LRRC45: variants seen among roughly 807,000 people sequenced by gnomAD.
LRRC45 encodes the protein leucine-rich repeat-containing protein 45.
In LRRC45, 73 loss-of-function variants were observed where a neutral mutation model predicts 85.4. That is an observed-to-expected ratio of 0.85 (90% CI 0.71 to 1.04). The LOEUF is 1.04. Among genes scored for constraint, LRRC45 ranks in the 50% least tolerant of loss-of-function variants. LRRC45 has a pLI of 0.00. For missense variants in LRRC45, 937 were observed against 883.3 expected (o/e 1.06, Z -0.77); for synonymous variants, 429 against 386.0 (o/e 1.11, Z -1.31).
Position 82,030,835 on chromosome 17 carries a change from G to A in LRRC45, c.*30G>A, listed in dbSNP as rs1164733948. ...GGCCGGGAGGACCCGGGCGCAGTAG[G>A]AGTGCATCAGGCGGCGCCCGAGATG... On this transcript the variant is annotated 3_prime_UTR_variant, in exon 17 of 17. Coordinates refer to ENST00000306688, the MANE Select transcript of LRRC45 (RefSeq NM_144999.4). 13 of 1,312,924 alleles carry A rather than the reference G, an allele frequency of 9.9e-6. No individual in the cohort carries two copies. The highest frequency in any genetic ancestry group is 2.8e-5 in the South Asian group (1 of 35,740). The allele number at this position is 1,312,924 out of a possible 1,614,324, so 81.3% of individuals were successfully genotyped here.
chr17:82,030,189 T>G lies in LRRC45; in HGVS notation c.1619T>G (p.Leu540Arg), dbSNP rs2043405428. ...VAEAQTRVSQ[L>R]GLQVEGLRRR... ...GAGGCCCAGACCCGGGTCAGCCAGCTGGGCCTGCAAGTTGAGGGCCTGCGG... is the reference window on the plus strand; with the variant it reads ...GAGGCCCAGACCCGGGTCAGCCAGCGGGGCCTGCAAGTTGAGGGCCTGCGG... Residue 540 changes from leucine to arginine, a missense_variant, in exon 15 of 17, where the codon CTG becomes CGG. Leu to Arg is a moderately radical substitution (Grantham distance 102). Transcript: ENST00000306688. The G allele has an allele frequency of 6.5e-7, 1 of 1,542,518 alleles. No individual in the cohort carries two copies. The highest frequency in any genetic ancestry group is 1.4e-5 in the African/African-American group (1 of 72,824).
intron 13 of LRRC45, 149 bp from the exon 14 acceptor site, chr17:82,029,394 C>T: frequency 1.0e-6 from 1 of 985,772 alleles, no homozygotes; most frequent in South Asian, 1.5e-5. Context: ...GGAACCTTGC[C>T]CAGCGAGCTA....
At chr17:82,028,861 G>T in intron 12 of LRRC45, 178 bp downstream of exon 12, 2 of 799,202 alleles carry the variant, frequency 2.5e-6, no homozygotes, top group Non-Finnish European at 3.9e-6. Context: ...GCGGCGGGGG[G>T]ACCCCGGCAA....
At chr17:82,030,582 C>T (rs1282739572) in intron 16 of LRRC45, 27 bp from the exon 17 acceptor site, 3 of 1,461,718 alleles carry the variant, frequency 2.1e-6, no homozygotes, top group Non-Finnish European at 2.7e-6. Flanking sequence ...GGGGCTGCGT[C>T]CGCTCACTGC....
rs1311729549 is a variant in LRRC45 at position 82,023,908 on chromosome 17, C to T, written c.220+45C>T. ...TGGATCCCTCTGCTCCTTAGCTGCC[C>T]ACACCATTGCCTCGGCAGCCCGAGG... On this transcript the variant is annotated intron_variant, in intron 1 of 16. Transcript: ENST00000306688. 2.0e-6 allele frequency: 3 copies of T among 1,499,858 alleles called. No individual in the cohort carries two copies. In the East Asian group the frequency reaches 7.4e-5, roughly 37 times the overall value. The allele number at this position is 1,499,858 out of a possible 1,614,324, so 92.9% of individuals were successfully genotyped here. A position where few individuals can be genotyped will look rare whatever the true frequency, so the allele number is the denominator to read the frequency against.
Position 82,028,261 on chromosome 17 carries a change from C to T in LRRC45, c.1075C>T (p.Leu359Phe). ...QEAAERESKL[L>F]RDLSAANEKN... ...AGCTGCAGAGCGGGAGTCTAAACTC[C>T]TCAGAGACTTGTCTGCTGCCAATGA... The change falls in exon 10 of 17, where the codon CTC becomes TTC. Residue 359 changes from leucine (L) to phenylalanine (F), a missense_variant. Leu to Phe is a conservative substitution (Grantham distance 22). Transcript: ENST00000306688. 1 of 1,580,018 alleles carries T rather than the reference C, an allele frequency of 6.3e-7. No individual in the cohort carries two copies. The highest frequency in any genetic ancestry group is 2.3e-5 in the East Asian group (1 of 43,554).
intron 5 of LRRC45, 64 bp from the exon 6 acceptor site, chr17:82,026,835 C>G (rs1421086962): frequency 1.7e-5 from 24 of 1,384,284 alleles, no homozygotes; most frequent in African/African-American, 4.2e-5. Context: ...CCACCTCGAC[C>G]TCCCAAAGTG....
chr17:82,028,179 A>T, intron 9 of LRRC45, 33 bp downstream of exon 9: 1 of 1,560,640 alleles, frequency 6.4e-7, no homozygotes, highest in Non-Finnish European at 8.7e-7. Context: ...GGGTGGGCCA[A>T]GGGGTGCGTG....
chr17:82,028,625 TGG>T lies in LRRC45; in HGVS notation c.1251_1252del (p.Met417IlefsTer31), dbSNP rs1568015715. ...CCTGGGCTTCCAGAGCGCCTGGACATGGAGAAGAGAAGATGCAGACAGAGCCT... is the reference window on the plus strand; with the variant it reads ...CCTGGGCTTCCAGAGCGCCTGGACATAGAAGAGAAGATGCAGACAGAGCCT... On this transcript the variant is annotated frameshift_variant, in exon 12 of 17. Transcript: ENST00000306688. LOFTEE classifies it high-confidence loss of function. 1.2e-6 allele frequency: 2 copies of T among 1,612,858 alleles called. No homozygotes were observed. Among genetic ancestry groups the T allele is most frequent in the South Asian group, 2.2e-5 (2 of 91,086 alleles).
chr17:82,027,241 C>A, intron 6 of LRRC45, 145 bp from the exon 7 acceptor site: 2 of 1,076,156 alleles, frequency 1.9e-6, no homozygotes, highest in Non-Finnish European at 2.8e-6. Context: ...AGGGGCCACC[C>A]TTCCTGTGAA....
At chr17:82,028,878 A>C (rs1378671548) in intron 12 of LRRC45, 195 bp downstream of exon 12, 1 of 745,102 alleles carries the variant, frequency 1.3e-6, no homozygotes, top group East Asian at 2.7e-5. Flanking sequence ...GCAATGTCTG[A>C]GCCGTAGTAC....
chr17:82,023,818 C>A lies in LRRC45; in HGVS notation c.175C>A (p.Leu59Met). Residue 59 changes from leucine (L) to methionine (M), a missense_variant, in exon 1 of 17, where the codon CTG (leucine) becomes ATG (methionine). Coordinates refer to ENST00000306688, the MANE Select transcript of LRRC45 (RefSeq NM_144999.4). ...ALGKLLPRETLCTELVLSDCM... is the reference protein window; with the variant it reads ...ALGKLLPRETMCTELVLSDCM... ...GGGCAAGCTGCTGCCGAGGGAGACG[C>A]TGTGCACGGAGCTGGTCCTGAGTGA... is the stretch of plus-strand genomic sequence containing the variant. 6.4e-7 allele frequency: 1 copy of A among 1,570,188 alleles called. No individual in the cohort carries two copies. Among genetic ancestry groups the A allele is most frequent in the Admixed American group, 1.9e-5 (1 of 53,578 alleles).
At chr17:82,025,679 G>A (rs896571694) in intron 5 of LRRC45, among the ~76,000 whole-genome samples, 172 bp downstream of exon 5, 1 of 152,226 alleles carries the variant, frequency 6.6e-6, no homozygotes, top group Non-Finnish European at 1.5e-5. Context: ...CTTGAATGGC[G>A]TTCGCCACAC....
At chr17:82,025,844 C>T (rs924182145) in intron 5 of LRRC45, among the ~76,000 whole-genome samples, 21 of 152,254 alleles carry the variant, frequency 1.4e-4, no homozygotes, top group African/African-American at 4.6e-4. Context: ...CAGGTCTTGG[C>T]CTTGGCCAGG....
chr17:82,030,979 C>T lies in LRRC45; in HGVS notation c.*174C>T. ...TGCGGGGGAACCCCGTGGGAGGCGC[C>T]TGGGAAGGGCTCCCTACCGGCCCCT... On this transcript the variant is annotated 3_prime_UTR_variant, in exon 17 of 17. Coordinates refer to ENST00000306688, the MANE Select transcript of LRRC45 (RefSeq NM_144999.4). 2.3e-6 allele frequency: 1 copy of T among 436,950 alleles called. No homozygotes were observed. The allele number at this position is 436,950 out of a possible 1,614,324, so 27.1% of individuals were successfully genotyped here.
chr17:82,027,497 C>T (rs926249414), intron 7 of LRRC45, 53 bp downstream of exon 7: 13 of 1,609,226 alleles, frequency 8.1e-6, no homozygotes, highest in Non-Finnish European at 1.1e-5. Flanking sequence ...CAGGTCCTGG[C>T]TCAGACTCAG....
At chr17:82,025,341 A>C (rs1706779351) in intron 4 of LRRC45, 38 bp from the exon 5 acceptor site, 2 of 1,543,646 alleles carry the variant, frequency 1.3e-6, no homozygotes, top group Non-Finnish European at 1.7e-6. Context: ...CCCCTCTGCC[A>C]GGTGCATTCT....
rs565095849 is a variant in LRRC45 at position 82,028,544 on chromosome 17, G to A, written c.1237+36G>A. The stretch of plus-strand genomic sequence containing the variant: ...GCAGGCCTGCTGTGGAGGGGCCTGG[G>A]GATGGGCACCGGGGGACGGGGGCCC... On this transcript the variant is annotated intron_variant, in intron 11 of 16. Coordinates refer to ENST00000306688, the MANE Select transcript of LRRC45 (RefSeq NM_144999.4). 9 of 1,611,760 alleles carry A rather than the reference G, an allele frequency of 5.6e-6. No individual in the cohort carries two copies. In the African/African-American group the frequency reaches 9.3e-5, roughly 17 times the overall value.
In LRRC45 at chr17:82,029,440, G is replaced by A. The variant is rs890471702; in HGVS notation, c.1402-103G>A. On this transcript the variant is annotated intron_variant, in intron 13 of 16. Transcript: ENST00000306688. ...CAGCTGCGTGGCCCTCAGGAGGCTG[G>A]CAGAGAGGAGCCCCCCTGGCTGGGG... is the stretch of plus-strand genomic sequence containing the variant. 60 of 1,313,500 alleles carry A rather than the reference G, an allele frequency of 4.6e-5. No individual in the cohort carries two copies. The African/African-American group carries it at 8.3e-4, about 18-fold the overall frequency. 81.4% of individuals were successfully genotyped at this position (1,313,500 alleles called of 1,614,324 possible).
Sources: gnomAD v4.1 joint callset for allele counts (sites outside exome capture counted in the v4.1 genomes callset) on GRCh38, gnomAD v4.1.1 for gene constraint, MANE v1.5 for transcripts, NCBI Gene and HGNC (gene_info 2026-07-23, HGNC 2026-07-21) for gene names.